Variants in KLRD1 observed in about 807,000 individuals in gnomAD.
The protein encoded by KLRD1 is killer cell lectin like receptor D1, also known as natural killer cells antigen CD94.
KLRD1 carries 21 observed loss-of-function variants against 22.6 expected under a neutral mutation model. The observed-to-expected ratio is 0.93, with a 90% CI of 0.66 to 1.34. The LOEUF is 1.34. KLRD1 is among the 40% of genes most tolerant of loss of function. KLRD1 has a pLI of 0.00. For synonymous variants in KLRD1, 59 were observed against 71.1 expected, an observed-to-expected ratio of 0.83 and a Z score of 0.85; for missense variants, 183 against 208.6, an observed-to-expected ratio of 0.88 and a Z score of 0.76.
intron 1 of KLRD1, among the ~76,000 whole-genome samples, chr12:10,278,487 A>G (rs892061984): frequency 1.3e-5 from 2 of 152,160 alleles, no homozygotes; most frequent in African/African-American, 4.8e-5. Context: ...ACACAAAAGC[A>G]ATTTCTGACT....
In KLRD1 at chr12:10,322,337, G is replaced by T. The variant is rs1950319184; in HGVS notation, c.*7544G>T. On this transcript the variant is annotated 3_prime_UTR_variant, in exon 6 of 6. Coordinates refer to ENST00000336164, the MANE Select transcript of KLRD1 (RefSeq NM_002262.5). ...GCTGGGATTACAGGCATGAGCCATTGTGTCTGGCCAAATAGAGGACATTTT... is the reference window on the plus strand; with the variant it reads ...GCTGGGATTACAGGCATGAGCCATTTTGTCTGGCCAAATAGAGGACATTTT... 6.6e-6 allele frequency: 1 copy of T among 152,360 alleles called. No individual in the cohort carries two copies. Among genetic ancestry groups the T allele is most frequent in the African/African-American group, 2.4e-5 (1 of 41,578 alleles). The allele number at this position is 152,360 out of a possible 1,614,324, so 9.4% of individuals were successfully genotyped here. A position where few individuals can be genotyped will look rare whatever the true frequency, so the allele number is the denominator to read the frequency against.
chr12:10,266,340 A>G (rs1162150119), intron 1 of KLRD1, among the ~76,000 whole-genome samples: 1 of 152,168 alleles, frequency 6.6e-6, no homozygotes, highest in Non-Finnish European at 1.5e-5. Flanking sequence ...GAGGAAAAGT[A>G]TTATTTTTGT....
intron 1 of KLRD1, among the ~76,000 whole-genome samples, chr12:10,255,077 A>G (rs1457142586): frequency 7.5e-6 from 1 of 132,496 alleles, no homozygotes; most frequent in Non-Finnish European, 1.7e-5. Flanking sequence ...GCCTATTATT[A>G]AAAAGTCAAA....
intron 1 of KLRD1, among the ~76,000 whole-genome samples, chr12:10,259,590 G>C (rs893315987): frequency 2.0e-5 from 3 of 152,106 alleles, no homozygotes; most frequent in African/African-American, 7.2e-5. Context: ...TATTCATTTA[G>C]ACTTACATCT....
chr12:10,252,527 C>A (rs1320768367), intron 1 of KLRD1, among the ~76,000 whole-genome samples: 1 of 151,970 alleles, frequency 6.6e-6, no homozygotes, highest in African/African-American at 2.4e-5. Context: ...AACAAACAAA[C>A]CCCACCACAT....
chr12:10,265,722 A>C (rs1487923736), intron 1 of KLRD1, among the ~76,000 whole-genome samples: 1 of 152,240 alleles, frequency 6.6e-6, no homozygotes. Flanking sequence ...ATGCCACTGC[A>C]CTGTAGCCTG....
chr12:10,251,285 G>A (rs568487686), intron 1 of KLRD1, among the ~76,000 whole-genome samples: 5 of 152,028 alleles, frequency 3.3e-5, no homozygotes, highest in Middle Eastern at 3.4e-3. Context: ...CCACCAAGCC[G>A]GGCTAGTTTT....
chr12:10,314,911 CAG>C lies in KLRD1; in HGVS notation c.*119_*120del, dbSNP rs895342139. ...CTGGAGTCTATAAAATGTTTTTAAACAGTGTCATATACAATTGTCATGTATGT... is the reference window on the plus strand; with the variant it reads ...CTGGAGTCTATAAAATGTTTTTAAACTGTCATATACAATTGTCATGTATGT... On this transcript the variant is annotated 3_prime_UTR_variant, in exon 6 of 6. Coordinates refer to ENST00000336164, the MANE Select transcript of KLRD1 (RefSeq NM_002262.5). The C allele has an allele frequency of 4.3e-6, 4 of 940,680 alleles. No homozygotes were observed. In the African/African-American group the frequency reaches 6.8e-5, roughly 16 times the overall value. 58.3% of individuals were successfully genotyped at this position (940,680 alleles called of 1,614,324 possible).
intron 1 of KLRD1, among the ~76,000 whole-genome samples, chr12:10,263,781 T>C (rs552087640): frequency 6.6e-6 from 1 of 152,206 alleles, no homozygotes; most frequent in Admixed American, 6.5e-5. Flanking sequence ...TATTGCTGAG[T>C]CGTTCCCTCG....
chr12:10,310,082 C>A (rs1404425377), intron 3 of KLRD1, among the ~76,000 whole-genome samples: 3 of 152,162 alleles, frequency 2.0e-5, no homozygotes, highest in African/African-American at 7.2e-5. Context: ...ATTTCTAAAC[C>A]TTACTTATCC....
At chr12:10,259,241 T>C (rs376725605) in intron 1 of KLRD1, among the ~76,000 whole-genome samples, 3 of 152,344 alleles carry the variant, frequency 2.0e-5, no homozygotes, top group South Asian at 4.1e-4. Context: ...ATTGGCTTAA[T>C]TAAATATTGT....
chr12:10,323,285 G>A lies in KLRD1; in HGVS notation c.*8492G>A, dbSNP rs943415481. On this transcript the variant is annotated 3_prime_UTR_variant, in exon 6 of 6. Transcript: ENST00000336164. ...CATAAAGCTTATTTATAATTTCACTGGCAGTTTATGTGAGTGTTACTCTGT... is the reference window on the plus strand; with the variant it reads ...CATAAAGCTTATTTATAATTTCACTAGCAGTTTATGTGAGTGTTACTCTGT... 6.6e-6 allele frequency: 1 copy of A among 152,088 alleles called. No homozygotes were observed. Among genetic ancestry groups the A allele is most frequent in the African/African-American group, 2.4e-5 (1 of 41,410 alleles). The allele number at this position is 152,088 out of a possible 1,614,324, so 9.4% of individuals were successfully genotyped here.
chr12:10,267,725 C>T (rs553748576), intron 1 of KLRD1, among the ~76,000 whole-genome samples: 6 of 152,180 alleles, frequency 3.9e-5, no homozygotes, highest in Non-Finnish European at 8.8e-5. Flanking sequence ...CTAGAAGGAT[C>T]GTGGCTAAAG....
chr12:10,282,148 A>G (rs1357932723), intron 1 of KLRD1, among the ~76,000 whole-genome samples: 1 of 152,118 alleles, frequency 6.6e-6, no homozygotes, highest in East Asian at 1.9e-4. Flanking sequence ...TAAATATTTG[A>G]TTTCTCTAAC....
chr12:10,313,984 A>C (rs977901017), intron 5 of KLRD1, among the ~76,000 whole-genome samples: 1 of 152,156 alleles, frequency 6.6e-6, no homozygotes, highest in African/African-American at 2.4e-5. Context: ...TCCTAAATCA[A>C]TCTTCATACA....
intron 1 of KLRD1, among the ~76,000 whole-genome samples, chr12:10,239,469 C>CTTTCCTTTTT (rs373654789): frequency 1.6e-5 from 2 of 122,320 alleles, no homozygotes; most frequent in Admixed American, 8.0e-5. Flanking sequence ...TTCCTTCCTT[C>CTTTCCTTTTT]CTTCCTTCCT....
At chr12:10,248,234 T>G (rs750061628) in intron 1 of KLRD1, among the ~76,000 whole-genome samples, 9 of 152,000 alleles carry the variant, frequency 5.9e-5, no homozygotes, top group Non-Finnish European at 1.3e-4. Flanking sequence ...TCTAATCCTG[T>G]TTTAAAAAAA....
intron 1 of KLRD1, among the ~76,000 whole-genome samples, chr12:10,289,560 A>T (rs1949745821): frequency 6.6e-6 from 1 of 152,200 alleles, no homozygotes; most frequent in African/African-American, 2.4e-5. Context: ...TGGGCAGTGT[A>T]GATTTACTTA....
intron 1 of KLRD1, among the ~76,000 whole-genome samples, chr12:10,272,416 A>G (rs992280883): frequency 6.6e-6 from 1 of 152,224 alleles, no homozygotes; most frequent in East Asian, 1.9e-4. Flanking sequence ...ACTCATTTAT[A>G]AAGACAAAAG....
Sources: allele counts gnomAD v4.1 joint callset (sites outside exome capture counted in the v4.1 genomes callset), GRCh38; gene constraint gnomAD v4.1.1; transcripts MANE v1.5; gene names NCBI Gene and HGNC (gene_info 2026-07-23, HGNC 2026-07-21).